The following PLXNA2 variants were observed in gnomAD, a reference collection of about 807,000 sequenced individuals.
The protein encoded by PLXNA2 is plexin-A2.
In PLXNA2, 91 loss-of-function variants were observed where a neutral mutation model predicts 193.5. That is an observed-to-expected ratio of 0.47 (90% CI 0.40 to 0.56). The LOEUF (loss-of-function observed/expected upper bound fraction) is 0.56, where lower values mean the gene tolerates loss of function less well. Among genes scored for constraint, PLXNA2 ranks in the 20% least tolerant of loss-of-function variants. The probability of loss-of-function intolerance (pLI) is 0.00; values close to 1 mark genes in which losing one functional copy is unlikely to be tolerated. For missense variants in PLXNA2, 1,995 were observed against 2,503.2 expected, an observed-to-expected ratio of 0.80 and a Z score of 4.33; for synonymous variants, 997 against 1,027.3, an observed-to-expected ratio of 0.97 and a Z score of 0.56.
chr1:208,113,017 A>AAAC (rs1156664126), intron 4 of PLXNA2, among the ~76,000 whole-genome samples: 5 of 151,632 alleles, frequency 3.3e-5, no homozygotes, highest in Non-Finnish European at 7.4e-5. Context: ...AAAAAAAAAA[A>AAAC]AAAAAAACAG....
chr1:208,048,300 T>G (rs910335997), intron 17 of PLXNA2, among the ~76,000 whole-genome samples: 6 of 152,258 alleles, frequency 3.9e-5, no homozygotes, highest in Admixed American at 3.3e-4. Flanking sequence ...TAGGCCCAGG[T>G]GTGCTGAGGA....
At chr1:208,229,692 T>C (rs748511786) in intron 1 of PLXNA2, among the ~76,000 whole-genome samples, 2 of 152,180 alleles carry the variant, frequency 1.3e-5, no homozygotes, top group Admixed American at 6.5e-5. Flanking sequence ...AGCTCTGTCT[T>C]TGAAGAATGT....
intron 4 of PLXNA2, among the ~76,000 whole-genome samples, 192 bp downstream of exon 4, chr1:208,142,137 G>A (rs1028583375): frequency 1.2e-4 from 18 of 152,212 alleles, no homozygotes; most frequent in Non-Finnish European, 1.6e-4. Context: ...TGAAGCCTCC[G>A]GGAAGTGGCT....
intron 13 of PLXNA2, among the ~76,000 whole-genome samples, chr1:208,059,088 G>C (rs1665532573): frequency 6.6e-6 from 1 of 152,140 alleles, no homozygotes; most frequent in African/African-American, 2.4e-5. Flanking sequence ...CTGTGTCCAG[G>C]GGCCCAAGGG....
At chr1:208,035,449 C>T (rs751444926) in intron 26 of PLXNA2, among the ~76,000 whole-genome samples, 9 of 152,082 alleles carry the variant, frequency 5.9e-5, no homozygotes, top group Non-Finnish European at 1.2e-4. Flanking sequence ...GGGGACTGAG[C>T]GAGAAAGATG....
rs200260543 is a variant in PLXNA2 at position 208,052,388 on chromosome 1, A to G, written c.2932T>C (p.Tyr978His). The change falls in exon 15 of 32, where the codon TAC becomes CAC. Residue 978 changes from tyrosine (Y) to histidine (H), a missense_variant. Coordinates refer to ENST00000367033, the MANE Select transcript of PLXNA2 (RefSeq NM_025179.4). ...GCCACGCTGCTCCCAGCCCCAAGGTAATGGCCGGTAATGGTCACCATAGTG... is the reference window on the plus strand; with the variant it reads ...GCCACGCTGCTCCCAGCCCCAAGGTGATGGCCGGTAATGGTCACCATAGTG... Reference protein sequence around the residue: ...GGTMVTITGHYLGAGSSVAVY... With the variant: ...GGTMVTITGHHLGAGSSVAVY... 5 of 1,614,020 alleles carry G rather than the reference A, an allele frequency of 3.1e-6. No individual in the cohort carries two copies. Among genetic ancestry groups the G allele is most frequent in the Non-Finnish European group, 4.2e-6 (5 of 1,179,966 alleles).
intron 3 of PLXNA2, among the ~76,000 whole-genome samples, chr1:208,204,368 A>C (rs751259881): frequency 1.3e-5 from 2 of 152,200 alleles, no homozygotes; most frequent in Non-Finnish European, 2.9e-5. Flanking sequence ...CCTCCAGGCA[A>C]CAGTGTAAAT....
At chr1:208,050,282 A>T (rs1571862534) in intron 17 of PLXNA2, among the ~76,000 whole-genome samples, 1 of 152,332 alleles carries the variant, frequency 6.6e-6, no homozygotes, top group East Asian at 1.9e-4. Context: ...TGAGAGGTGG[A>T]GGATCCGGAG....
In PLXNA2 at chr1:208,038,790, C is replaced by A. The variant is rs746780343; in HGVS notation, c.4660+35G>T. 6.2e-7 allele frequency: 1 copy of A among 1,603,772 alleles called. No homozygotes were observed. Among genetic ancestry groups the A allele is most frequent in the Admixed American group, 1.7e-5 (1 of 59,804 alleles). On this transcript the variant is annotated intron_variant, in intron 25 of 31. Coordinates refer to ENST00000367033, the MANE Select transcript of PLXNA2 (RefSeq NM_025179.4). This position sits in a 1 kb window ranked among gnomAD's most constrained non-coding sequence, Gnocchi z 4.1. ...CAGCTTCCCTTCCTTCACCTCTCAACCCCTGCCCTCACACTCTGAGTCCAG... is the reference window on the plus strand; with the variant it reads ...CAGCTTCCCTTCCTTCACCTCTCAAACCCTGCCCTCACACTCTGAGTCCAG...
rs1215801967 is a variant in PLXNA2, at chr1:208,027,169, T to A, written c.*74A>T. 3.0e-6 allele frequency: 4 copies of A among 1,311,688 alleles called. No individual in the cohort carries two copies. The highest frequency in any genetic ancestry group is 3.4e-5 in the Admixed American group (2 of 59,228). 81.3% of individuals were successfully genotyped at this position (1,311,688 alleles called of 1,614,324 possible). On this transcript the variant is annotated 3_prime_UTR_variant, in exon 32 of 32. Coordinates refer to ENST00000367033, the MANE Select transcript of PLXNA2 (RefSeq NM_025179.4). ...GCTCTGGGGCCTGATCCCCATCACT[T>A]GTCCTTCCATCTGAGACTCCCAGTG... is the stretch of plus-strand genomic sequence containing the variant.
At chr1:208,233,957 C>A (rs1671772358) in intron 1 of PLXNA2, among the ~76,000 whole-genome samples, 1 of 152,080 alleles carries the variant, frequency 6.6e-6, no homozygotes, top group Admixed American at 6.5e-5. Flanking sequence ...GTGCTAAGGG[C>A]CGGCAGATGG....
intron 2 of PLXNA2, among the ~76,000 whole-genome samples, chr1:208,213,801 G>C (rs1463939815): frequency 1.3e-5 from 2 of 152,224 alleles, no homozygotes; most frequent in Non-Finnish European, 2.9e-5. Flanking sequence ...TGCACCAGAA[G>C]GGTGTGGTGC....
chr1:208,071,491 GCATT>G (rs1665975764), intron 12 of PLXNA2, among the ~76,000 whole-genome samples: 2 of 152,138 alleles, frequency 1.3e-5, no homozygotes, highest in Non-Finnish European at 2.9e-5. Flanking sequence ...GCAAATTGTG[GCATT>G]CTTTTCCACT....
chr1:208,173,850 C>G (rs1322593918), intron 3 of PLXNA2, among the ~76,000 whole-genome samples: 1 of 152,248 alleles, frequency 6.6e-6, no homozygotes, highest in Non-Finnish European at 1.5e-5. Flanking sequence ...CAGCACCAAG[C>G]CAGGAAGAAG....
intron 4 of PLXNA2, among the ~76,000 whole-genome samples, chr1:208,109,019 T>C (rs1423435605): frequency 2.7e-5 from 4 of 149,158 alleles, no homozygotes; most frequent in Non-Finnish European, 6.0e-5. Flanking sequence ...TTCCCTGGAA[T>C]CTTCCCTGGA....
Position 208,217,047 on chromosome 1 carries a change from T to C in PLXNA2, c.876A>G (p.Ser292=). ...TGCAGCCGAAGGGCAGGGACACGTA[T>C]GAGTGGAACTTGGGGTCATCCTTGC... The part of the protein sequence containing the change: ...RLCKDDPKFH[S]YVSLPFGCTR... Residue 292 remains serine (S), a synonymous_variant, in exon 2 of 32, where the codon TCA becomes TCG. Transcript: ENST00000367033. This position sits in a 1 kb window ranked among gnomAD's most constrained non-coding sequence, Gnocchi z 4.7. 1 of 1,613,184 alleles carries C rather than the reference T, an allele frequency of 6.2e-7. No individual in the cohort carries two copies. The highest frequency in any genetic ancestry group is 1.1e-5 in the South Asian group (1 of 91,058).
chr1:208,105,660 C>T (rs1013730081), intron 4 of PLXNA2, among the ~76,000 whole-genome samples: 13 of 152,324 alleles, frequency 8.5e-5, no homozygotes, highest in Admixed American at 3.3e-4. Flanking sequence ...AGGTATCTGC[C>T]GGAGACCTTC....
chr1:208,207,295 C>T (rs1290628993), intron 3 of PLXNA2, among the ~76,000 whole-genome samples: 3 of 152,242 alleles, frequency 2.0e-5, no homozygotes, highest in African/African-American at 4.8e-5. Context: ...CATGAGCCAC[C>T]GTGCCCGGCC....
At chr1:208,046,797 A>AGT (rs57420579) in intron 17 of PLXNA2, among the ~76,000 whole-genome samples, 18,141 of 129,218 alleles carry the variant, frequency 0.14, 1,307 homozygotes, top group African/African-American at 0.16. Flanking sequence ...AGAACAGCAT[A>AGT]GTGTGTGTGT....
Sources: gnomAD v4.1 joint callset for allele counts (sites outside exome capture counted in the v4.1 genomes callset) on GRCh38, gnomAD v4.1.1 for gene constraint, Gnocchi (gnomAD v3.1) non-coding constraint, MANE v1.5 for transcripts, NCBI Gene and HGNC (gene_info 2026-07-23, HGNC 2026-07-21) for gene names.